Variants in FER1L6 observed in about 807,000 individuals in gnomAD.
The protein encoded by FER1L6 is fer-1 like family member 6, also known as fer-1-like protein 6.
Under a neutral mutation model 219.2 loss-of-function variants are expected in FER1L6, and 177 were observed. The ratio of observed to expected loss-of-function variants is 0.81; its 90% CI spans 0.71 to 0.91. The LOEUF is 0.91. Ranked by LOEUF, FER1L6 falls within the 40% of genes least tolerant of loss-of-function variation. The pLI is 0.00. For synonymous variants in FER1L6, 768 were observed against 824.3 expected, an observed-to-expected ratio of 0.93 and a Z score of 1.17; for missense variants, 2,153 against 2,259.9, an observed-to-expected ratio of 0.95 and a Z score of 0.96.
chr8:123,871,958 C>A (rs548242195), intron 1 of FER1L6, among the ~76,000 whole-genome samples: 8 of 152,200 alleles, frequency 5.3e-5, no homozygotes, highest in Admixed American at 5.2e-4. Flanking sequence ...TAAAGAAATA[C>A]CTGAGACTGG....
intron 1 of FER1L6, among the ~76,000 whole-genome samples, chr8:123,905,268 G>A (rs1033360119): frequency 2.0e-5 from 3 of 152,098 alleles, no homozygotes; most frequent in Admixed American, 6.6e-5. Context: ...CACAGTGTGC[G>A]TTGTTCTCTG....
rs140213649 is a variant in FER1L6 at position 123,853,651 on chromosome 8, T to C, written c.-8+1466T>C. On this transcript the variant is annotated intron_variant, in intron 1 of 40. Coordinates refer to ENST00000522917, the MANE Select transcript of FER1L6 (RefSeq NM_001039112.2). This position sits in a 1 kb window ranked among gnomAD's most constrained non-coding sequence, Gnocchi z 6.6. ...AGGTACGCCTCACCACGGGCAAGCG[T>C]GGAGTAACATATTTTGAGAGAACCT... 1.1e-4 allele frequency among the ~76,000 whole-genome samples: 17 copies of C among 152,066 alleles called. No homozygotes were observed. The highest frequency in any genetic ancestry group is 3.9e-4 in the African/African-American group (16 of 41,464).
At chr8:123,909,011 GC>G (rs1813005966) in intron 1 of FER1L6, among the ~76,000 whole-genome samples, 2 of 152,324 alleles carry the variant, frequency 1.3e-5, no homozygotes, top group South Asian at 4.1e-4. Flanking sequence ...GAGGGGCATG[GC>G]CCATGTAAAG....
At chr8:124,057,776 T>A (rs953881211) in intron 22 of FER1L6, among the ~76,000 whole-genome samples, 5 of 152,220 alleles carry the variant, frequency 3.3e-5, no homozygotes, top group South Asian at 2.1e-4. Flanking sequence ...GCCTCTTTTT[T>A]AAAACCTATT....
At chr8:124,110,961 G>A (rs1347433252) in intron 39 of FER1L6, among the ~76,000 whole-genome samples, 1 of 152,056 alleles carries the variant, frequency 6.6e-6, no homozygotes, top group African/African-American at 2.4e-5. Flanking sequence ...GCAACTTGGA[G>A]CAAAGTGCTC....
At chr8:123,906,854 C>T (rs1003361357) in intron 1 of FER1L6, among the ~76,000 whole-genome samples, 5 of 151,444 alleles carry the variant, frequency 3.3e-5, no homozygotes, top group African/African-American at 7.3e-5. Context: ...GACCTTTTAA[C>T]CCCCCCTTTA....
At chr8:123,918,753 A>T (rs1204686675) in intron 1 of FER1L6, among the ~76,000 whole-genome samples, 2 of 152,132 alleles carry the variant, frequency 1.3e-5, no homozygotes, top group African/African-American at 4.8e-5. Context: ...GCAGTGATTG[A>T]ACTGACCTTG....
chr8:124,014,372 C>T (rs1818083806), intron 15 of FER1L6: 2 of 152,640 alleles, frequency 1.3e-5, no homozygotes, highest in African/African-American at 4.8e-5. Flanking sequence ...TTGGAGCTGT[C>T]CTTAGAAGAA....
At position 123,963,408 on chromosome 8, in the gene FER1L6, G is replaced by A; in HGVS notation, c.197+10G>A. On this transcript the variant is annotated intron_variant, in intron 3 of 40. Transcript: ENST00000522917. ...CTTCTCCAAAGAGAAGGTACAGTAT[G>A]GATGCAGGTGGTCAACACACATTTG... The A allele has an allele frequency of 6.2e-7, 1 of 1,613,648 alleles. No homozygotes were observed. The highest frequency in any genetic ancestry group is 8.5e-7 in the Non-Finnish European group (1 of 1,179,676).
At chr8:123,986,307 C>A in intron 12 of FER1L6, 131 bp downstream of exon 12, 1 of 593,886 alleles carries the variant, frequency 1.7e-6, no homozygotes, top group Non-Finnish European at 3.0e-6. Context: ...ATGAGATGAA[C>A]AATTCCTTGT....
intron 18 of FER1L6, among the ~76,000 whole-genome samples, chr8:124,028,020 T>C (rs1420583198): frequency 2.0e-5 from 3 of 152,200 alleles, no homozygotes; most frequent in Non-Finnish European, 2.9e-5. Flanking sequence ...AGCAAAACAC[T>C]TCAGAAGGCC....
intron 1 of FER1L6, among the ~76,000 whole-genome samples, chr8:123,934,761 TG>T (rs1413364548): frequency 4.6e-5 from 7 of 152,052 alleles, no homozygotes; most frequent in African/African-American, 1.2e-4. Context: ...CCCCACGTGT[TG>T]GGGGGGAGGG....
intron 1 of FER1L6, among the ~76,000 whole-genome samples, chr8:123,874,184 AT>A (rs1413788319): frequency 5.9e-5 from 9 of 152,306 alleles, no homozygotes; most frequent in Admixed American, 3.9e-4. Context: ...ATGACTACAA[AT>A]CTCAAGTGAG....
At chr8:123,945,458 C>T (rs923360823) in intron 1 of FER1L6, among the ~76,000 whole-genome samples, 32 of 152,212 alleles carry the variant, frequency 2.1e-4, no homozygotes, top group African/African-American at 7.5e-4. Context: ...TTTTATAAAG[C>T]CTCTCCAAAA....
Position 124,062,044 on chromosome 8 carries a change from C to T in FER1L6, c.3328+12C>T, listed in dbSNP as rs1382436992. ...CCAGCCTGGGCACGGTGAGAAGCTG[C>T]TCTTAGATTTTGTAGCTGTAACTAT... On this transcript the variant is annotated intron_variant, in intron 25 of 40. Transcript: ENST00000522917. The T allele has an allele frequency of 1.2e-6, 2 of 1,613,652 alleles. No individual in the cohort carries two copies. The highest frequency in any genetic ancestry group is 8.5e-7 in the Non-Finnish European group (1 of 1,179,660).
intron 12 of FER1L6, among the ~76,000 whole-genome samples, chr8:123,986,413 G>T (rs899674075): frequency 6.6e-6 from 1 of 151,926 alleles, no homozygotes; most frequent in Non-Finnish European, 1.5e-5. Flanking sequence ...TATTTATGGG[G>T]TACATGAGAT....
At chr8:123,861,206 C>A (rs1408417605) in intron 1 of FER1L6, among the ~76,000 whole-genome samples, 2 of 127,148 alleles carry the variant, frequency 1.6e-5, no homozygotes, top group African/African-American at 6.7e-5. Context: ...GTATGGCTAG[C>A]CAGTTTTCCC....
chr8:123,925,389 G>A (rs1012860192), intron 1 of FER1L6, among the ~76,000 whole-genome samples: 5 of 152,206 alleles, frequency 3.3e-5, no homozygotes, highest in Admixed American at 3.3e-4. Flanking sequence ...CATGACACCT[G>A]TCTTTCAGGA....
At chr8:123,994,328 A>G (rs746344026) in intron 12 of FER1L6, among the ~76,000 whole-genome samples, 2 of 152,180 alleles carry the variant, frequency 1.3e-5, no homozygotes, top group South Asian at 2.1e-4. Flanking sequence ...GGCTCTTCAC[A>G]TGCAGGGCAA....
Sources: allele counts gnomAD v4.1 joint callset (sites outside exome capture counted in the v4.1 genomes callset), GRCh38; gene constraint gnomAD v4.1.1; non-coding constraint Gnocchi (gnomAD v3.1); transcripts MANE v1.5; gene names NCBI Gene and HGNC (gene_info 2026-07-23, HGNC 2026-07-21).